The following TTC4 variants were observed in gnomAD, a reference collection of about 807,000 sequenced individuals.
TTC4 encodes the protein tetratricopeptide repeat domain 4.
In TTC4, 36 loss-of-function variants were observed where a neutral mutation model predicts 51.9. The observed-to-expected ratio is 0.69, with a 90% CI of 0.53 to 0.92. The LOEUF is 0.92. Ranked by LOEUF, TTC4 falls within the 40% of genes least tolerant of loss-of-function variation. TTC4 has a pLI of 0.00. For missense variants in TTC4, 399 were observed against 454.6 expected, an observed-to-expected ratio of 0.88 and a Z score of 1.11; for synonymous variants, 144 against 164.2, an observed-to-expected ratio of 0.88 and a Z score of 0.94.
At chr1:54,738,504 G>A (rs1182461691) in intron 9 of TTC4, among the ~76,000 whole-genome samples, 2 of 152,084 alleles carry the variant, frequency 1.3e-5, no homozygotes, top group African/African-American at 2.4e-5. Context: ...GAGACTGGCC[G>A]GGCCCATAAA....
chr1:54,736,234 AGAGAG>A lies in TTC4; in HGVS notation c.979-1347_979-1343del, dbSNP rs1557753065. Among the ~76,000 whole-genome samples the A allele has an allele frequency of 3.3e-3, 390 of 118,418 alleles. 24 individuals carry two copies. The highest frequency in any genetic ancestry group is 0.016 in the African/African-American group (358 of 22,922). 77.7% of individuals were successfully genotyped at this position (118,418 alleles called of 152,430 possible). On this transcript the variant is annotated intron_variant, in intron 8 of 9. Coordinates refer to ENST00000371281, the MANE Select transcript of TTC4 (RefSeq NM_004623.5). ...AGAGAGAGAGAGAGAAGAGGAGAGG[AGAGAG>A]AAGAGAGGAGAGAGGAGAGAGAGAG...
intron 5 of TTC4, among the ~76,000 whole-genome samples, chr1:54,724,125 G>A (rs12094622): frequency 1.3e-5 from 2 of 152,096 alleles, no homozygotes; most frequent in South Asian, 2.1e-4. Flanking sequence ...AATAGCTGAA[G>A]TATTCCCCTG....
chr1:54,718,055 A>T (rs1645697075), intron 3 of TTC4, among the ~76,000 whole-genome samples: 1 of 152,206 alleles, frequency 6.6e-6, no homozygotes, highest in African/African-American at 2.4e-5. Flanking sequence ...AAGGGAGAAT[A>T]TCTCAAAGCG....
intron 4 of TTC4, 38 bp from the exon 5 acceptor site, chr1:54,722,637 A>T (rs1226233278): frequency 6.2e-7 from 1 of 1,606,356 alleles, no homozygotes; most frequent in South Asian, 1.1e-5. Context: ...CTTTCCATGC[A>T]TGTTTTTCTT....
At position 54,733,614 on chromosome 1, in the gene TTC4, A is replaced by G. The variant is rs1308997703; in HGVS notation, c.897-15A>G. Reference sequence around the variant, plus strand: ...TGAGTTATTGATACCCAGAAAGTACATGTTTTATCCTTAGGTTTATTGATC... The same window carrying G: ...TGAGTTATTGATACCCAGAAAGTACGTGTTTTATCCTTAGGTTTATTGATC... On this transcript the variant is annotated splice_polypyrimidine_tract_variant and intron_variant, in intron 7 of 9. Transcript: ENST00000371281. 6.3e-6 allele frequency: 10 copies of G among 1,581,958 alleles called. No individual in the cohort carries two copies. The highest frequency in any genetic ancestry group is 8.6e-6 in the Non-Finnish European group (10 of 1,164,056).
rs779345031 is a variant in TTC4 at position 54,730,063 on chromosome 1, C to T, written c.682-1423C>T. On this transcript the variant is annotated intron_variant, in intron 6 of 9. Coordinates refer to ENST00000371281, the MANE Select transcript of TTC4 (RefSeq NM_004623.5). ...TTATTATTTGTTCAGTTAAATTATG[C>T]ACCATTTATGTTACTTGTTGACTGT... 3.9e-5 allele frequency among the ~76,000 whole-genome samples: 6 copies of T among 152,078 alleles called. 1 individual carries two copies. Among genetic ancestry groups the T allele is most frequent in the East Asian group, 1.9e-4 (1 of 5,194 alleles).
intron 3 of TTC4, 39 bp downstream of exon 3, chr1:54,717,692 A>G: frequency 1.4e-6 from 2 of 1,470,858 alleles, no homozygotes; most frequent in Non-Finnish European, 1.8e-6. Flanking sequence ...AACTTATGAT[A>G]CAAGCCATTA....
chr1:54,735,922 T>A (rs1293423399), intron 8 of TTC4, among the ~76,000 whole-genome samples: 1 of 152,208 alleles, frequency 6.6e-6, no homozygotes, highest in Non-Finnish European at 1.5e-5. Context: ...GTCTATTTTT[T>A]AAGTGGTTGC....
chr1:54,740,564 C>T lies in TTC4; in HGVS notation c.1062-847C>T, dbSNP rs572081779. On this transcript the variant is annotated intron_variant, in intron 9 of 9. Coordinates refer to ENST00000371281, the MANE Select transcript of TTC4 (RefSeq NM_004623.5). ...AGCAGACCGATGCTTGGAGGAAACC[C>T]GTTTCATGCTTCTCAGAAAATGTAA... 6.4e-4 allele frequency among the ~76,000 whole-genome samples: 97 copies of T among 152,270 alleles called. 2 individuals are homozygous for T. In the South Asian group the frequency reaches 0.019, roughly 29 times the overall value.
intron 5 of TTC4, among the ~76,000 whole-genome samples, chr1:54,723,099 C>T (rs1645762727): frequency 6.6e-6 from 1 of 152,146 alleles, no homozygotes; most frequent in Non-Finnish European, 1.5e-5. Context: ...CATATTTTAA[C>T]TGTGCTTTTT....
chr1:54,726,017 G>T (rs186072691), intron 5 of TTC4, among the ~76,000 whole-genome samples: 145 of 152,262 alleles, frequency 9.5e-4, no homozygotes, highest in Non-Finnish European at 1.7e-3. Context: ...GGTCCTAGAA[G>T]GAGAGAAGAG....
intron 5 of TTC4, among the ~76,000 whole-genome samples, chr1:54,723,545 G>A (rs1037127848): frequency 6.6e-6 from 1 of 152,192 alleles, no homozygotes; most frequent in Admixed American, 6.5e-5. Flanking sequence ...ATGTAAGACA[G>A]TATTACACAG....
Position 54,742,411 on chromosome 1 carries a change from C to G in TTC4, c.*898C>G, listed in dbSNP as rs1646022446. 6.6e-6 allele frequency: 1 copy of G among 152,292 alleles called. No individual in the cohort carries two copies. The highest frequency in any genetic ancestry group is 2.1e-4 in the South Asian group (1 of 4,826). 9.4% of individuals were successfully genotyped at this position (152,292 alleles called of 1,614,324 possible). On this transcript the variant is annotated 3_prime_UTR_variant, in exon 10 of 10. Transcript: ENST00000371281. ...GGGATATGCACAGGCATGAGCTGTC[C>G]TGCGTCTGACAGAAGCCTGAAGAGT...
chr1:54,730,326 C>T (rs1226134633), intron 6 of TTC4, among the ~76,000 whole-genome samples: 1 of 139,958 alleles, frequency 7.1e-6, no homozygotes, highest in Non-Finnish European at 1.5e-5. Context: ...AACCCTTCAT[C>T]TCAAACTTAG....
At position 54,717,282 on chromosome 1, in the gene TTC4, T is replaced by C. The variant is rs1415051971; in HGVS notation, c.230-210T>C. Reference sequence around the variant, plus strand: ...CTTTTTTTTGGAAAGCACTTAGTAATCTACCTTGTAAGATATTTGGAATTA... The same window carrying C: ...CTTTTTTTTGGAAAGCACTTAGTAACCTACCTTGTAAGATATTTGGAATTA... On this transcript the variant is annotated intron_variant, in intron 2 of 9. Transcript: ENST00000371281. 4.6e-5 allele frequency among the ~76,000 whole-genome samples: 7 copies of C among 152,230 alleles called. No homozygotes were observed. The East Asian group carries it at 1.3e-3, about 29-fold the overall frequency.
chr1:54,729,330 A>G (rs1645837773), intron 6 of TTC4, among the ~76,000 whole-genome samples: 1 of 152,242 alleles, frequency 6.6e-6, no homozygotes, highest in Non-Finnish European at 1.5e-5. Context: ...AAAACCGTGG[A>G]TAAGGGGACA....
chr1:54,721,643 C>T (rs547277687), intron 4 of TTC4, among the ~76,000 whole-genome samples: 1 of 152,152 alleles, frequency 6.6e-6, no homozygotes, highest in African/African-American at 2.4e-5. Context: ...TGTAGTCTGA[C>T]CTTTCTATGT....
chr1:54,716,711 C>G lies in TTC4; in HGVS notation c.223C>G (p.Pro75Ala). The G allele has an allele frequency of 6.2e-7, 1 of 1,609,844 alleles. No homozygotes were observed. The highest frequency in any genetic ancestry group is 8.5e-7 in the Non-Finnish European group (1 of 1,178,172). ...AATTATTTTTGATGAGGAGCGTTCT[C>G]CAGAAGGTATCTTAACATGACTAAT... Reference protein sequence around the residue: ...QSIIFDEERSPEEQAKTYKDE... With the variant: ...QSIIFDEERSAEEQAKTYKDE... The change falls in exon 2 of 10, where the codon CCA becomes GCA. Residue 75 changes from proline (P) to alanine (A), a missense_variant. Transcript: ENST00000371281.
At chr1:54,738,321 A>G (rs1370432114) in intron 9 of TTC4, among the ~76,000 whole-genome samples, 2 of 152,142 alleles carry the variant, frequency 1.3e-5, no homozygotes, top group African/African-American at 4.8e-5. Context: ...CCCACAACAC[A>G]TGGGAATCAT....
Sources: allele counts gnomAD v4.1 joint callset (sites outside exome capture counted in the v4.1 genomes callset), GRCh38; gene constraint gnomAD v4.1.1; transcripts MANE v1.5; gene names NCBI Gene and HGNC (gene_info 2026-07-23, HGNC 2026-07-21).